The following SH3RF3 variants were observed in gnomAD, a reference collection of about 807,000 sequenced individuals.
SH3RF3 encodes the protein E3 ubiquitin-protein ligase SH3RF3.
In SH3RF3, 29 loss-of-function variants were observed where a neutral mutation model predicts 66.3. The observed-to-expected ratio is 0.44, with a 90% CI of 0.33 to 0.60. SH3RF3 has a LOEUF of 0.60. SH3RF3 is among the 20% of genes least tolerant of loss of function. The pLI, the probability that SH3RF3 is intolerant of heterozygous loss-of-function variation, is 0.04. For missense variants in SH3RF3, 1,194 were observed against 1,190.9 expected (o/e 1.00, Z -0.04); for synonymous variants, 583 against 532.0 (o/e 1.10, Z -1.32).
At chr2:109,261,397 C>G (rs1271869803) in intron 1 of SH3RF3, among the ~76,000 whole-genome samples, 2 of 152,218 alleles carry the variant, frequency 1.3e-5, no homozygotes, top group Non-Finnish European at 2.9e-5. Flanking sequence ...ATTGTAATTA[C>G]AGCAGAGCAG....
intron 6 of SH3RF3, among the ~76,000 whole-genome samples, chr2:109,433,275 T>A (rs982337100): frequency 6.6e-6 from 1 of 152,264 alleles, no homozygotes; most frequent in African/African-American, 2.4e-5. Context: ...GGAAAAATGA[T>A]ATCTTCCCAA....
intron 8 of SH3RF3, among the ~76,000 whole-genome samples, chr2:109,471,078 G>T (rs1032338652): frequency 6.6e-6 from 1 of 151,966 alleles, no homozygotes; most frequent in Non-Finnish European, 1.5e-5. Context: ...AAATTAGTTG[G>T]GTGTGTTGGC....
chr2:109,172,021 G>T (rs760713495), intron 1 of SH3RF3, among the ~76,000 whole-genome samples: 2 of 152,246 alleles, frequency 1.3e-5, no homozygotes, highest in Non-Finnish European at 2.9e-5. Context: ...GCAGGGCCCA[G>T]CACTGTGGGC....
At chr2:109,218,293 C>G (rs1350116810) in intron 1 of SH3RF3, among the ~76,000 whole-genome samples, 1 of 152,168 alleles carries the variant, frequency 6.6e-6, no homozygotes. Context: ...CTCTCTTGCC[C>G]CCGTTTTTGT....
At chr2:109,488,168 G>T (rs909309159) in intron 8 of SH3RF3, among the ~76,000 whole-genome samples, 7 of 152,196 alleles carry the variant, frequency 4.6e-5, no homozygotes, top group Admixed American at 3.9e-4. Context: ...ATCCTGGCCT[G>T]CTGTCCTTGT....
intron 1 of SH3RF3, among the ~76,000 whole-genome samples, chr2:109,188,175 C>G (rs1678244784): frequency 2.0e-5 from 3 of 152,234 alleles, no homozygotes; most frequent in African/African-American, 4.8e-5. Context: ...TCCCAAGAAC[C>G]AGACCTTGCT....
At chr2:109,412,511 C>T (rs181480442) in intron 4 of SH3RF3, among the ~76,000 whole-genome samples, 3 of 152,370 alleles carry the variant, frequency 2.0e-5, no homozygotes, top group East Asian at 3.9e-4. Flanking sequence ...GGTTCCCACT[C>T]TTCCCGCTGC....
chr2:109,391,841 T>G (rs1035828824), intron 3 of SH3RF3, among the ~76,000 whole-genome samples: 9 of 152,060 alleles, frequency 5.9e-5, no homozygotes, highest in South Asian at 4.2e-4. Context: ...AAATATGGTC[T>G]TCTTTTTTTT....
chr2:109,163,390 C>CTTTTTTTTTT (rs70956302), intron 1 of SH3RF3, among the ~76,000 whole-genome samples: 2 of 70,268 alleles, frequency 2.8e-5, no homozygotes, highest in Admixed American at 2.3e-4. Context: ...AGCAAATATT[C>CTTTTTTTTTT]TTTTTTTTTT....
intron 9 of SH3RF3, among the ~76,000 whole-genome samples, chr2:109,496,097 C>T (rs36146996): frequency 0.14 from 20,732 of 152,198 alleles, 1,548 homozygotes; most frequent in East Asian, 0.21. Context: ...TATTTGTCCC[C>T]TCCCATGTTC....
At chr2:109,357,427 C>T (rs543761227) in intron 2 of SH3RF3, among the ~76,000 whole-genome samples, 70 of 152,288 alleles carry the variant, frequency 4.6e-4, no homozygotes, top group African/African-American at 1.6e-3. Flanking sequence ...GTGATCCACC[C>T]ACCTCGGCCT....
At chr2:109,470,030 C>T (rs1056789648) in intron 8 of SH3RF3, among the ~76,000 whole-genome samples, 1 of 152,182 alleles carries the variant, frequency 6.6e-6, no homozygotes, top group Admixed American at 6.5e-5. Context: ...TTTCACTCTT[C>T]GTGCGTCCTG....
chr2:109,224,562 T>C (rs1018606341), intron 1 of SH3RF3, among the ~76,000 whole-genome samples: 3 of 152,194 alleles, frequency 2.0e-5, no homozygotes, highest in African/African-American at 7.2e-5. Flanking sequence ...GAAGTGGCTT[T>C]TAAAATTTCA....
chr2:109,422,524 C>G (rs1306997550), intron 5 of SH3RF3, among the ~76,000 whole-genome samples: 1 of 152,184 alleles, frequency 6.6e-6, no homozygotes, highest in Non-Finnish European at 1.5e-5. Flanking sequence ...AGAAGGGTCT[C>G]AGTTTGCTCA....
At chr2:109,423,897 C>G (rs1676958588) in intron 5 of SH3RF3, among the ~76,000 whole-genome samples, 1 of 152,200 alleles carries the variant, frequency 6.6e-6, no homozygotes, top group South Asian at 2.1e-4. Flanking sequence ...GGACCCCAAG[C>G]AGGTGGGGAA....
In SH3RF3 at chr2:109,398,807, C is replaced by T. The variant is rs770064902; in HGVS notation, c.1163C>T (p.Thr388Met). 1.1e-5 allele frequency: 18 copies of T among 1,613,876 alleles called. No individual in the cohort carries two copies. Among genetic ancestry groups the T allele is most frequent in the Admixed American group, 1.0e-4 (6 of 60,016 alleles). ...KRHSFTALSV[T>M]HRSSQAASHR... The stretch of plus-strand genomic sequence containing the variant: ...CACTCCTTCACCGCGCTCAGTGTGA[C>T]GCACAGATCCTCCCAGGCTGCCAGC... The change falls in exon 4 of 10, where the codon ACG becomes ATG. Residue 388 changes from threonine to methionine, a missense_variant. Physicochemically the swap from Thr to Met is moderately conservative, Grantham distance 81. Transcript: ENST00000309415.
intron 9 of SH3RF3, among the ~76,000 whole-genome samples, chr2:109,500,074 G>A (rs987972587): frequency 6.6e-6 from 1 of 152,152 alleles, no homozygotes; most frequent in African/African-American, 2.4e-5. Flanking sequence ...GAGACAGTGT[G>A]TGGCTGTCCT....
At chr2:109,237,598 G>T (rs62151310) in intron 1 of SH3RF3, among the ~76,000 whole-genome samples, 42,689 of 151,994 alleles carry the variant, frequency 0.28, 7,312 homozygotes, top group Non-Finnish European at 0.39. Context: ...TGAGATTTTT[G>T]TGTGTGTGAA....
intron 8 of SH3RF3, among the ~76,000 whole-genome samples, chr2:109,473,033 G>T (rs1270706714): frequency 2.0e-5 from 3 of 152,222 alleles, no homozygotes; most frequent in African/African-American, 7.2e-5. Context: ...GGCTGAGATG[G>T]CAAGGAGACA....
Sources: allele counts gnomAD v4.1 joint callset (sites outside exome capture counted in the v4.1 genomes callset), GRCh38; gene constraint gnomAD v4.1.1; transcripts MANE v1.5; gene names NCBI Gene and HGNC (gene_info 2026-07-23, HGNC 2026-07-21).